FAP: variants seen among roughly 807,000 people sequenced by gnomAD.
FAP encodes the protein prolyl endopeptidase FAP.
Under a neutral mutation model 126.5 loss-of-function variants are expected in FAP, and 110 were observed. The observed-to-expected ratio is 0.87, with a 90% CI of 0.74 to 1.02. The LOEUF (loss-of-function observed/expected upper bound fraction) is 1.02, where lower values mean the gene tolerates loss of function less well. Ranked by LOEUF, FAP falls within the 50% of genes least tolerant of loss-of-function variation. FAP has a pLI of 0.00. For synonymous variants in FAP, 334 were observed against 297.3 expected, an observed-to-expected ratio of 1.12 and a Z score of -1.27; for missense variants, 919 against 909.2, an observed-to-expected ratio of 1.01 and a Z score of -0.14.
intron 21 of FAP, chr2:162,176,754 C>T (rs1315841073): frequency 1.3e-5 from 2 of 151,894 alleles, no homozygotes; most frequent in Non-Finnish European, 2.9e-5. Context: ...TTCCTATGCC[C>T]CAGAGAAGGA....
intron 16 of FAP, 176 bp downstream of exon 16, chr2:162,198,581 G>A (rs752106243): frequency 2.2e-6 from 2 of 905,772 alleles, no homozygotes; most frequent in Non-Finnish European, 1.6e-6. Flanking sequence ...TTGCAAAAAA[G>A]TAAAGATAAT....
intron 2 of FAP, among the ~76,000 whole-genome samples, chr2:162,237,272 G>T (rs917362136): frequency 2.6e-5 from 4 of 152,154 alleles, no homozygotes; most frequent in African/African-American, 9.7e-5. Flanking sequence ...AGGACGTGCA[G>T]GTTTGTTACA....
chr2:162,178,636 GT>G (rs1439794340), intron 21 of FAP, among the ~76,000 whole-genome samples: 1 of 152,114 alleles, frequency 6.6e-6, no homozygotes, highest in Non-Finnish European at 1.5e-5. Flanking sequence ...AGTGGGCTTT[GT>G]TTTATGTGAG....
intron 21 of FAP, 147 bp from the exon 22 acceptor site, chr2:162,175,113 G>A: frequency 1.8e-6 from 1 of 567,450 alleles, no homozygotes; most frequent in South Asian, 2.1e-5. Flanking sequence ...TGCATCCTCG[G>A]CAGCAAGCTT....
At chr2:162,212,696 T>C (rs1688991222) in intron 11 of FAP, among the ~76,000 whole-genome samples, 1 of 152,224 alleles carries the variant, frequency 6.6e-6, no homozygotes, top group Non-Finnish European at 1.5e-5. Flanking sequence ...CTTTTCTTTT[T>C]ACTTTATAAA....
Position 162,203,087 on chromosome 2 carries a change from C to T in FAP, c.1106G>A (p.Ser369Asn), listed in dbSNP as rs770938818. The change falls in exon 13 of 26, where the codon AGT (serine) becomes AAT (asparagine). Residue 369 changes from serine to asparagine, a missense_variant. Transcript: ENST00000188790. ...YDAISYYKIF[S>N]DKDGYKHIHY... ...AATATGTTTGTAGCCATCCTTGTCA[C>T]TAAATATTTTGTAGTACGAAATGGC... The T allele has an allele frequency of 5.6e-6, 9 of 1,613,682 alleles. No individual in the cohort carries two copies. Among genetic ancestry groups the T allele is most frequent in the Non-Finnish European group, 7.6e-6 (9 of 1,179,770 alleles).
intron 6 of FAP, among the ~76,000 whole-genome samples, chr2:162,221,941 G>A (rs1165211619): frequency 6.6e-6 from 1 of 151,804 alleles, no homozygotes. Flanking sequence ...CCTAAATTAT[G>A]CTGTATTTAC....
At chr2:162,210,356 A>G (rs1462022100) in intron 11 of FAP, among the ~76,000 whole-genome samples, 11 of 152,218 alleles carry the variant, frequency 7.2e-5, no homozygotes, top group Non-Finnish European at 1.2e-4. Context: ...AGTAGCTAAA[A>G]TTTTAAAATT....
intron 8 of FAP, among the ~76,000 whole-genome samples, chr2:162,218,718 A>G (rs150280943): frequency 8.5e-5 from 13 of 152,104 alleles, no homozygotes; most frequent in African/African-American, 2.4e-4. Flanking sequence ...TTCCCATAAG[A>G]TAACATAGTC....
intron 16 of FAP, chr2:162,197,688 T>G: frequency 2.2e-6 from 1 of 456,210 alleles, no homozygotes; most frequent in Non-Finnish European, 4.4e-6. Flanking sequence ...AAGTGGCATG[T>G]TAGGGTAGCC....
intron 2 of FAP, among the ~76,000 whole-genome samples, chr2:162,230,222 A>T (rs931732363): frequency 2.0e-5 from 3 of 152,184 alleles, no homozygotes; most frequent in African/African-American, 7.2e-5. Flanking sequence ...CAGTGAAGTA[A>T]TGTGTCTCCT....
intron 6 of FAP, 50 bp from the exon 7 acceptor site, chr2:162,219,975 A>C (rs755518314): frequency 8.2e-7 from 1 of 1,222,356 alleles, no homozygotes; most frequent in Non-Finnish European, 1.2e-6. Flanking sequence ...GTTTAATGCA[A>C]AAAAATAATA....
Position 162,213,955 on chromosome 2 carries a change from T to C in FAP, c.985A>G (p.Thr329Ala), listed in dbSNP as rs1365758963. Residue 329 changes from threonine to alanine, a missense_variant, in exon 11 of 26, where the codon ACA (threonine) becomes GCA (alanine). Physicochemically the swap from Thr to Ala is moderately conservative, Grantham distance 58. Coordinates refer to ENST00000188790, the MANE Select transcript of FAP (RefSeq NM_004460.5). ...SICDFREDWQ[T>A]WDCPKTQEHI... Reference sequence around the variant, plus strand: ...TACCCTACCTTTGGACAATCCCATGTCTGCCAGTCTTCCCTGAAGTCACAT... The same window carrying C: ...TACCCTACCTTTGGACAATCCCATGCCTGCCAGTCTTCCCTGAAGTCACAT... 1 of 1,613,590 alleles carries C rather than the reference T, an allele frequency of 6.2e-7. No homozygotes were observed. The highest frequency in any genetic ancestry group is 8.5e-7 in the Non-Finnish European group (1 of 1,179,718).
chr2:162,183,303 T>A, intron 21 of FAP, 111 bp downstream of exon 21: 1 of 871,766 alleles, frequency 1.1e-6, no homozygotes, highest in Non-Finnish European at 1.9e-6. Flanking sequence ...CATTGACAGA[T>A]TAAATTATGT....
chr2:162,210,480 A>G (rs536536331), intron 11 of FAP, among the ~76,000 whole-genome samples: 28 of 152,340 alleles, frequency 1.8e-4, no homozygotes, highest in African/African-American at 6.3e-4. Flanking sequence ...AATAATTAGA[A>G]AAAGAAGAAC....
In FAP at chr2:162,219,011, A is replaced by G. The variant is rs535647204; in HGVS notation, c.607+52T>C. 15 of 1,419,392 alleles carry G rather than the reference A, an allele frequency of 1.1e-5. No individual in the cohort carries two copies. The South Asian group carries it at 2.1e-4, about 20-fold the overall frequency. The allele number at this position is 1,419,392 out of a possible 1,614,324, so 87.9% of individuals were successfully genotyped here. A position where few individuals can be genotyped will look rare whatever the true frequency, so the allele number is the denominator to read the frequency against. On this transcript the variant is annotated intron_variant, in intron 8 of 25. Transcript: ENST00000188790. Reference sequence around the variant, plus strand: ...TAAATCTTACTAAATATATGAAATTATTTTAAATTAAAAGCCTAAAGCATT... The same window carrying G: ...TAAATCTTACTAAATATATGAAATTGTTTTAAATTAAAAGCCTAAAGCATT...
chr2:162,180,207 T>C (rs1432455856), intron 21 of FAP, among the ~76,000 whole-genome samples: 1 of 152,086 alleles, frequency 6.6e-6, no homozygotes, highest in African/African-American at 2.4e-5. Flanking sequence ...CCAGGAAAGG[T>C]ATCTGGGCTT....
chr2:162,183,530 ACACAAC>A, intron 20 of FAP, 62 bp from the exon 21 acceptor site: 1 of 921,120 alleles, frequency 1.1e-6, no homozygotes, highest in Non-Finnish European at 1.8e-6. Context: ...TTACTTCATT[ACACAAC>A]CATATTTAAT....
At chr2:162,182,925 T>C (rs1255762758) in intron 21 of FAP, among the ~76,000 whole-genome samples, 1 of 152,138 alleles carries the variant, frequency 6.6e-6, no homozygotes, top group Non-Finnish European at 1.5e-5. Flanking sequence ...AAACGAACAT[T>C]CGGTCTACTA....
Sources: gnomAD v4.1 joint callset for allele counts (sites outside exome capture counted in the v4.1 genomes callset) on GRCh38, gnomAD v4.1.1 for gene constraint, MANE v1.5 for transcripts, NCBI Gene and HGNC (gene_info 2026-07-23, HGNC 2026-07-21) for gene names.